The following DNHD1 variants were observed in gnomAD, a reference collection of about 807,000 sequenced individuals.
DNHD1 encodes the protein dynein heavy chain domain 1.
In DNHD1, 383 loss-of-function variants were observed where a neutral mutation model predicts 458.1. That is an observed-to-expected ratio of 0.84 (90% confidence interval 0.77 to 0.91). The LOEUF (loss-of-function observed/expected upper bound fraction) is 0.91. Ranked by LOEUF, DNHD1 falls within the 40% of genes least tolerant of loss-of-function variation. The pLI is 0.00. For missense variants in DNHD1, 5,336 were observed against 5,866.1 expected (o/e 0.91, Z 2.95); for synonymous variants, 2,203 against 2,376.9 (o/e 0.93, Z 2.13).
Position 6,557,974 on chromosome 11 carries a change from G to A in DNHD1, c.8679G>A (p.Leu2893=), listed in dbSNP as rs964054301. ...RQHGLLLSGA[L]GTGRHTAITL... The stretch of plus-strand genomic sequence containing the variant: ...ATGGCCTGCTGCTCTCGGGGGCTCT[G>A]GGTACTGGGCGCCACACTGCCATCA... Residue 2893 remains leucine (L), a synonymous_variant, in exon 25 of 43, where the codon CTG becomes CTA. Coordinates refer to ENST00000254579, the MANE Select transcript of DNHD1 (RefSeq NM_144666.3). 6.4e-7 allele frequency: 1 copy of A among 1,551,644 alleles called. No individual in the cohort carries two copies. The highest frequency in any genetic ancestry group is 8.7e-7 in the Non-Finnish European group (1 of 1,146,986).
Position 6,563,730 on chromosome 11 carries a change from C to A in DNHD1, c.9890C>A (p.Ser3297Ter). Reference sequence around the variant, plus strand: ...TTCCCCAAGGAGAAGATAACAGACTCAGAGCTGATAAAGTTACATCTAATT... The same window carrying A: ...TTCCCCAAGGAGAAGATAACAGACTAAGAGCTGATAAAGTTACATCTAATT... ...VFFPKEKITD[S>*]ELIKLHLILK... The change falls in exon 31 of 43, where the codon TCA becomes TAA. Residue 3297 changes from serine (S) to a stop codon, truncating the protein, a stop_gained. Transcript: ENST00000254579. LOFTEE classifies it high-confidence loss of function. 6.5e-7 allele frequency: 1 copy of A among 1,549,104 alleles called. No individual in the cohort carries two copies. The highest frequency in any genetic ancestry group is 1.2e-5 in the South Asian group (1 of 83,928).
At position 6,505,157 on chromosome 11, in the gene DNHD1, T is replaced by G. The variant is rs79025395; in HGVS notation, c.920+2231T>G. The stretch of plus-strand genomic sequence containing the variant: ...CATTCAGAGTTCTGAGTCTCAACTC[T>G]GCAAGGCCCCTCCTCCAACCTCATA... On this transcript the variant is annotated intron_variant, in intron 4 of 42. Coordinates refer to ENST00000254579, the MANE Select transcript of DNHD1 (RefSeq NM_144666.3). The surrounding 1 kb of genome is among the most constrained non-coding windows in gnomAD (Gnocchi z 4.4). Among the ~76,000 whole-genome samples, 770 of 151,956 alleles carry G rather than the reference T, an allele frequency of 5.1e-3. 7 individuals carry two copies. Among genetic ancestry groups the G allele is most frequent in the African/African-American group, 0.017 (698 of 41,446 alleles).
Position 6,570,579 on chromosome 11 carries a change from A to G in DNHD1, c.13106-39A>G, listed in dbSNP as rs370490240. The G allele has an allele frequency of 1.5e-3, 2,271 of 1,540,756 alleles. 7 individuals carry two copies. The highest frequency in any genetic ancestry group is 4.6e-3 in the Middle Eastern group (20 of 4,330). ...ACTCTCTCGAGTCTAGGGTGGGGAG[A>G]GTCCATCTTGTCCCTCACCCCTCAC... On this transcript the variant is annotated intron_variant, in intron 41 of 42. Coordinates refer to ENST00000254579, the MANE Select transcript of DNHD1 (RefSeq NM_144666.3).
chr11:6,499,053 G>A, intron 3 of DNHD1, 92 bp downstream of exon 3: 1 of 1,411,028 alleles, frequency 7.1e-7, no homozygotes, highest in Non-Finnish European at 9.5e-7. Flanking sequence ...TTTAGATCCA[G>A]CTCTCTGTTT....
intron 12 of DNHD1, among the ~76,000 whole-genome samples, chr11:6,531,145 G>C (rs1223009115): frequency 6.6e-6 from 1 of 152,064 alleles, no homozygotes; most frequent in Non-Finnish European, 1.5e-5. Context: ...TTATCCCCTT[G>C]TATCTACTCT....
intron 10 of DNHD1, 164 bp downstream of exon 10, chr11:6,520,453 A>G: frequency 2.7e-6 from 4 of 1,461,516 alleles, no homozygotes; most frequent in Non-Finnish European, 3.6e-6. Context: ...TTGTGGGTAG[A>G]AAGGTCAGGG....
intron 6 of DNHD1, among the ~76,000 whole-genome samples, chr11:6,510,146 C>T (rs1035752138): frequency 7.9e-5 from 12 of 151,966 alleles, no homozygotes; most frequent in East Asian, 1.9e-4. Flanking sequence ...TACAATGGCG[C>T]GATTTCGGCT....
In DNHD1 at chr11:6,566,909, G is replaced by A. The variant is rs369645355; in HGVS notation, c.11400G>A (p.Thr3800=). The A allele has an allele frequency of 2.4e-4, 394 of 1,612,856 alleles. 5 individuals carry two copies. Among genetic ancestry groups the A allele is most frequent in the South Asian group, 1.9e-3 (173 of 90,968 alleles). Residue 3800 remains threonine, a synonymous_variant, in exon 36 of 43, where the codon ACG becomes ACA. Coordinates refer to ENST00000254579, the MANE Select transcript of DNHD1 (RefSeq NM_144666.3). ...AVEAAEERLL[T]MLLFQNPKRQ... is the part of the protein sequence containing the mutation. ...AGTGTATGCAGGAGCGGCTGCTGAC[G>A]ATGCTGCTGTTCCAGAATCCGAAGC...
At position 6,548,420 on chromosome 11, in the gene DNHD1, C is replaced by G; in HGVS notation, c.7098+18C>G. The G allele has an allele frequency of 6.5e-7, 1 of 1,550,276 alleles. No individual in the cohort carries two copies. Among genetic ancestry groups the G allele is most frequent in the Non-Finnish European group, 8.7e-7 (1 of 1,145,996 alleles). On this transcript the variant is annotated intron_variant, in intron 23 of 42. Coordinates refer to ENST00000254579, the MANE Select transcript of DNHD1 (RefSeq NM_144666.3). This position sits in a 1 kb window ranked among gnomAD's most constrained non-coding sequence, Gnocchi z 4.4. ...CTATCCAGGTGTGAGGACAGTAAGG[C>G]AAGAGCTGGGGTTAGAACTTCAGGA...
intron 10 of DNHD1, chr11:6,520,979 G>C (rs561370390): frequency 7.9e-6 from 5 of 636,516 alleles, no homozygotes; most frequent in Admixed American, 1.3e-4. Flanking sequence ...GAGCAAAAAG[G>C]TTCACTGAAA....
At position 6,558,684 on chromosome 11, in the gene DNHD1, C is replaced by T. The variant is rs558426011; in HGVS notation, c.9202C>T (p.Leu3068Phe). 1 of 1,549,856 alleles carries T rather than the reference C, an allele frequency of 6.5e-7. No individual in the cohort carries two copies. The highest frequency in any genetic ancestry group is 2.4e-5 in the East Asian group (1 of 40,920). Reference sequence around the variant, plus strand: ...CCTGGAGGGTGCTCAGAGTGTGCCCCTTGATGACGGTAAGCCCTTTTTACT... The same window carrying T: ...CCTGGAGGGTGCTCAGAGTGTGCCCTTTGATGACGGTAAGCCCTTTTTACT... ...HHLEGAQSVP[L>F]DDGSWKYPDL... The change falls in exon 26 of 43, where the codon CTT (leucine) becomes TTT (phenylalanine). Residue 3068 changes from leucine to phenylalanine, a missense_variant. Transcript: ENST00000254579.
rs1231006131 is a variant in DNHD1, at chr11:6,548,450, T to C, written c.7098+48T>C. ...GCTGGGGTTAGAACTTCAGGACTTA[T>C]TTTAGGGGTAATCCATGTTCAAAGA... On this transcript the variant is annotated intron_variant, in intron 23 of 42. Transcript: ENST00000254579. This position sits in a 1 kb window ranked among gnomAD's most constrained non-coding sequence, Gnocchi z 4.4. 3 of 1,530,654 alleles carry C rather than the reference T, an allele frequency of 2.0e-6. No homozygotes were observed. The highest frequency in any genetic ancestry group is 2.5e-5 in the East Asian group (1 of 40,692). The allele number at this position is 1,530,654 out of a possible 1,614,324, so 94.8% of individuals were successfully genotyped here. A position where few individuals can be genotyped will look rare whatever the true frequency, so the allele number is the denominator to read the frequency against.
chr11:6,539,989 C>T lies in DNHD1; in HGVS notation c.3534C>T (p.Tyr1178=), dbSNP rs368168152. 914 of 1,551,752 alleles carry T rather than the reference C, an allele frequency of 5.9e-4. 1 individual carries two copies. The highest frequency in any genetic ancestry group is 7.0e-4 in the Non-Finnish European group (808 of 1,146,994). The change falls in exon 18 of 43, where the codon TAC becomes TAT. Residue 1178 remains tyrosine (Y), a synonymous_variant. Transcript: ENST00000254579. ...TCAACTTCATCCTGCATGTACCCTA[C>T]GAGCCCCCAGCCTCAGAGCGCTCCA... ...RLLNFILHVP[Y]EPPASERSKR...
At chr11:6,562,947 A>G (rs890197628) in intron 28 of DNHD1, 35 bp from the exon 29 acceptor site, 8 of 1,544,640 alleles carry the variant, frequency 5.2e-6, no homozygotes, top group Admixed American at 2.0e-5. Context: ...GTGGCCCAAG[A>G]TCTGGAGCTG....
At chr11:6,549,574 G>T (rs1853293268) in intron 24 of DNHD1, among the ~76,000 whole-genome samples, 1 of 152,190 alleles carries the variant, frequency 6.6e-6, no homozygotes, top group Non-Finnish European at 1.5e-5. Context: ...CCTTCTCTAT[G>T]TGGCTAAATT....
Position 6,548,222 on chromosome 11 carries a change from C to CT in DNHD1, c.6921dup (p.Asp2308Ter). 1 of 1,551,686 alleles carries CT rather than the reference C, an allele frequency of 6.4e-7. No individual in the cohort carries two copies. The highest frequency in any genetic ancestry group is 8.7e-7 in the Non-Finnish European group (1 of 1,146,966). ...TCCATCTGAGCAGGTTCTGGCCCAT[C>CT]TTTGATACCTTCATAAGGGATTCTA... is the stretch of plus-strand genomic sequence containing the variant. On this transcript the variant is annotated frameshift_variant, in exon 23 of 43. Coordinates refer to ENST00000254579, the MANE Select transcript of DNHD1 (RefSeq NM_144666.3). LOFTEE classifies it high-confidence loss of function. This position sits in a 1 kb window ranked among gnomAD's most constrained non-coding sequence, Gnocchi z 4.4.
Position 6,519,684 on chromosome 11 carries a change from A to G in DNHD1, c.1477A>G (p.Ile493Val), listed in dbSNP as rs764386022. Reference sequence around the variant, plus strand: ...CAGGATCAGGACAGGCCAAGGCTCCATATACCTTCAGAGGGTACAGCACAA... The same window carrying G: ...CAGGATCAGGACAGGCCAAGGCTCCGTATACCTTCAGAGGGTACAGCACAA... ...CDRIRTGQGS[I>V]YLQRVQHKQL... Residue 493 changes from isoleucine (I) to valine (V), a missense_variant, in exon 8 of 43, where the codon ATA becomes GTA. Physicochemically the swap from Ile to Val is conservative, Grantham distance 29. Transcript: ENST00000254579. 5.6e-6 allele frequency: 9 copies of G among 1,614,202 alleles called. No individual in the cohort carries two copies. The highest frequency in any genetic ancestry group is 7.6e-6 in the Non-Finnish European group (9 of 1,180,026).
chr11:6,522,520 A>G (rs1224178415), intron 10 of DNHD1, among the ~76,000 whole-genome samples: 1 of 152,176 alleles, frequency 6.6e-6, no homozygotes, highest in Non-Finnish European at 1.5e-5. Context: ...ATTGGGTACT[A>G]GGATTAGTAC....
Position 6,548,942 on chromosome 11 carries a change from C to G in DNHD1, c.7387+9C>G, listed in dbSNP as rs1222601352. 4 of 1,551,004 alleles carry G rather than the reference C, an allele frequency of 2.6e-6. No homozygotes were observed. The South Asian group carries it at 3.6e-5, about 14-fold the overall frequency. ...GCACCTAGCCACTTCTGGTGAGGAG[C>G]TGCGAAGAGGGAAGGAAGGAGCTAC... On this transcript the variant is annotated intron_variant, in intron 24 of 42. Coordinates refer to ENST00000254579, the MANE Select transcript of DNHD1 (RefSeq NM_144666.3). The surrounding 1 kb of genome is among the most constrained non-coding windows in gnomAD (Gnocchi z 4.4).
Sources: gnomAD v4.1 joint callset for allele counts (sites outside exome capture counted in the v4.1 genomes callset) on GRCh38, gnomAD v4.1.1 for gene constraint, Gnocchi (gnomAD v3.1) non-coding constraint, MANE v1.5 for transcripts, NCBI Gene and HGNC (gene_info 2026-07-23, HGNC 2026-07-21) for gene names.